The following TLN2 variants were observed in gnomAD, a reference collection of about 807,000 sequenced individuals.
TLN2 encodes talin-2.
A neutral mutation model predicts 294.7 loss-of-function variants in TLN2; 118 were observed. The ratio of observed to expected loss-of-function variants is 0.40; its 90% CI spans 0.34 to 0.47. TLN2 has a LOEUF of 0.47. TLN2 is among the 20% of genes least tolerant of loss of function. The probability of loss-of-function intolerance (pLI) is 0.84; values close to 1 mark genes in which losing one functional copy is unlikely to be tolerated. For synonymous variants in TLN2, 1,431 were observed against 1,304.5 expected (o/e 1.10, Z -2.09); for missense variants, 3,083 against 3,282.2 (o/e 0.94, Z 1.48).
At chr15:62,593,897 G>T (rs375299755) in intron 2 of TLN2, among the ~76,000 whole-genome samples, 1 of 152,330 alleles carries the variant, frequency 6.6e-6, no homozygotes, top group South Asian at 2.1e-4. Context: ...GGAAAATCCT[G>T]CTGCTGTGAT....
intron 14 of TLN2, among the ~76,000 whole-genome samples, chr15:62,695,455 G>C (rs2058261177): frequency 6.6e-6 from 1 of 152,150 alleles, no homozygotes; most frequent in African/African-American, 2.4e-5. Context: ...ATCTTTCCCA[G>C]TCCACGGATA....
intron 12 of TLN2, among the ~76,000 whole-genome samples, chr15:62,688,556 A>G (rs2057493446): frequency 1.3e-5 from 2 of 152,128 alleles, no homozygotes; most frequent in South Asian, 4.1e-4. Context: ...TTTTGAATGA[A>G]TATCTTTGTT....
rs376486306 is a variant in TLN2 at position 62,830,650 on chromosome 15, A to G, written c.7003-2854A>G. On this transcript the variant is annotated intron_variant, in intron 54 of 58. Transcript: ENST00000636159. ...AGGCTAGAAGTTGTATGGTATGAGG[A>G]CACGTTAAGTATTGGTGTCTGATTT... 11 of 152,264 alleles carry G rather than the reference A, an allele frequency of 7.2e-5. No individual in the cohort carries two copies. The East Asian group carries it at 1.2e-3, about 16-fold the overall frequency. 9.4% of individuals were successfully genotyped at this position (152,264 alleles called of 1,614,324 possible). A position where few individuals can be genotyped will look rare whatever the true frequency, so the allele number is the denominator to read the frequency against.
intron 45 of TLN2, among the ~76,000 whole-genome samples, chr15:62,787,399 A>G (rs544040075): frequency 6.6e-6 from 1 of 152,298 alleles, no homozygotes; most frequent in Non-Finnish European, 1.5e-5. Flanking sequence ...TCCAACTGGA[A>G]TCAGATCCAA....
Position 62,573,090 on chromosome 15 carries a change from T to C in TLN2, c.-237-16597T>C, listed in dbSNP as rs796340602. Among the ~76,000 whole-genome samples, 15 of 152,284 alleles carry C rather than the reference T, an allele frequency of 9.9e-5. 1 individual carries two copies. The highest frequency in any genetic ancestry group is 3.6e-4 in the African/African-American group (15 of 41,552). ...TGACCCTTACCTGTCTGTAAAAGCC[T>C]TCCCTTCCAATCAGCATCCGGTGTT... On this transcript the variant is annotated intron_variant, in intron 1 of 58. Transcript: ENST00000636159.
At chr15:62,476,065 A>G (rs2037766979) in intron 1 of TLN2, among the ~76,000 whole-genome samples, 1 of 152,154 alleles carries the variant, frequency 6.6e-6, no homozygotes, top group Non-Finnish European at 1.5e-5. Context: ...TGGCAGCCAT[A>G]TGACTGGACT....
intron 1 of TLN2, among the ~76,000 whole-genome samples, chr15:62,405,316 G>A (rs544915627): frequency 6.6e-6 from 1 of 152,124 alleles, no homozygotes; most frequent in Non-Finnish European, 1.5e-5. Context: ...TCCTATAGAG[G>A]GTGAAGGCAG....
At position 62,511,373 on chromosome 15, in the gene TLN2, T is replaced by C. The variant is rs376869899; in HGVS notation, c.-237-78314T>C. Among the ~76,000 whole-genome samples, 80 of 152,348 alleles carry C rather than the reference T, an allele frequency of 5.3e-4. 1 individual carries two copies. The East Asian group carries it at 0.011, about 20-fold the overall frequency. On this transcript the variant is annotated intron_variant, in intron 1 of 58. Coordinates refer to ENST00000636159, the MANE Select transcript of TLN2 (RefSeq NM_015059.3). The stretch of plus-strand genomic sequence containing the variant: ...CAAAACAGCTGGGTCTAGCTCCAAA[T>C]TGCCCACTGTAGTCTTGTGAAAATT...
rs1227614363 is a variant in TLN2 at position 62,840,915 on chromosome 15, T to C, written c.*305T>C. On this transcript the variant is annotated 3_prime_UTR_variant, in exon 59 of 59. Coordinates refer to ENST00000636159, the MANE Select transcript of TLN2 (RefSeq NM_015059.3). ...ACAAAGAAAAGTCAGTATTATGTTGTTCTCAGACACTTTGGCTTTTGTTGG... is the reference window on the plus strand; with the variant it reads ...ACAAAGAAAAGTCAGTATTATGTTGCTCTCAGACACTTTGGCTTTTGTTGG... 11 of 250,200 alleles carry C rather than the reference T, an allele frequency of 4.4e-5. No homozygotes were observed. Among genetic ancestry groups the C allele is most frequent in the African/African-American group, 2.6e-4 (11 of 42,446 alleles). 15.5% of individuals were successfully genotyped at this position (250,200 alleles called of 1,614,324 possible). A position where few individuals can be genotyped will look rare whatever the true frequency, so the allele number is the denominator to read the frequency against.
At chr15:62,655,582 G>T (rs2053116484) in intron 7 of TLN2, among the ~76,000 whole-genome samples, 5 of 11,798 alleles carry the variant, frequency 4.2e-4, no homozygotes, top group Non-Finnish European at 7.1e-3. Flanking sequence ...TACATTCATT[G>T]TAGCACATGT....
At chr15:62,629,598 A>G (rs1314601909) in intron 3 of TLN2, among the ~76,000 whole-genome samples, 1 of 152,184 alleles carries the variant, frequency 6.6e-6, no homozygotes. Context: ...TGACATTCCA[A>G]GGTAGGGCCG....
chr15:62,556,007 T>A (rs895891028), intron 1 of TLN2, among the ~76,000 whole-genome samples: 3 of 151,414 alleles, frequency 2.0e-5, no homozygotes, highest in Non-Finnish European at 4.4e-5. Context: ...TTTTCTGAGT[T>A]GAGATGCTCG....
intron 3 of TLN2, 43 bp from the exon 4 acceptor site, chr15:62,647,232 T>A: frequency 6.6e-7 from 1 of 1,503,862 alleles, no homozygotes; most frequent in East Asian, 2.3e-5. Flanking sequence ...CCAAGACAAA[T>A]TATTATCGTG....
chr15:62,502,100 G>A lies in TLN2; in HGVS notation c.-237-87587G>A, dbSNP rs528612154. Among the ~76,000 whole-genome samples the A allele has an allele frequency of 9.8e-4, 149 of 152,294 alleles. 1 individual carries two copies. The highest frequency in any genetic ancestry group is 3.4e-3 in the Middle Eastern group (1 of 294). On this transcript the variant is annotated intron_variant, in intron 1 of 58. Transcript: ENST00000636159. Reference sequence around the variant, plus strand: ...GCTCTACCTTTAAGAATATGCCTGTGTAATGCATGGATGATTGGAAGGCAT... The same window carrying A: ...GCTCTACCTTTAAGAATATGCCTGTATAATGCATGGATGATTGGAAGGCAT...
Position 62,725,035 on chromosome 15 carries a change from T to G in TLN2, c.3186T>G (p.Leu1062=). 6.2e-7 allele frequency: 1 copy of G among 1,613,538 alleles called. No individual in the cohort carries two copies. Among genetic ancestry groups the G allele is most frequent in the Non-Finnish European group, 8.5e-7 (1 of 1,179,844 alleles). ...CAGCTCTGAATACGGTGCAGACGCT[T>G]AAGAATGAACTGCAGGATGCCAAGA... ...IDSALNTVQT[L]KNELQDAKMA... is the part of the protein sequence containing the mutation. Residue 1062 remains leucine (L), a synonymous_variant, in exon 27 of 59, where the codon CTT becomes CTG. Coordinates refer to ENST00000636159, the MANE Select transcript of TLN2 (RefSeq NM_015059.3).
At chr15:62,549,944 A>G (rs1003858824) in intron 1 of TLN2, among the ~76,000 whole-genome samples, 2 of 152,146 alleles carry the variant, frequency 1.3e-5, no homozygotes, top group Non-Finnish European at 2.9e-5. Flanking sequence ...ATTCTGATCA[A>G]TCGATTGGGA....
At chr15:62,529,147 G>A (rs1324078989) in intron 1 of TLN2, among the ~76,000 whole-genome samples, 6 of 151,878 alleles carry the variant, frequency 4.0e-5, no homozygotes, top group Non-Finnish European at 7.4e-5. Context: ...AGGCTGGAGT[G>A]TGGTGGCATG....
intron 1 of TLN2, among the ~76,000 whole-genome samples, chr15:62,563,196 G>A (rs1490606565): frequency 6.6e-6 from 1 of 152,056 alleles, no homozygotes; most frequent in African/African-American, 2.4e-5. Context: ...GGTTGTACTA[G>A]TTTACATTCC....
At chr15:62,694,470 T>C in intron 14 of TLN2, 78 bp downstream of exon 14, 2 of 1,199,928 alleles carry the variant, frequency 1.7e-6, no homozygotes, top group Admixed American at 3.6e-5. Context: ...TGGAGCCTGC[T>C]GCTCTGAAGC....
Sources: gnomAD v4.1 joint callset for allele counts (sites outside exome capture counted in the v4.1 genomes callset) on GRCh38, gnomAD v4.1.1 for gene constraint, MANE v1.5 for transcripts, NCBI Gene and HGNC (gene_info 2026-07-23, HGNC 2026-07-21) for gene names.